Variants in QTMAN observed in about 807,000 individuals in gnomAD.
The protein encoded by QTMAN is queuosine-tRNA mannosyltransferase.
the QTMAN span, among the ~76,000 whole-genome samples, chr2:144,278,601 A>C: frequency 6.6e-6 from 1 of 150,498 alleles, no homozygotes; most frequent in Admixed American, 6.6e-5. Context: ...CAAGATGCAC[A>C]CCTCGTGACT....
chr2:144,259,746 A>G, the QTMAN span, among the ~76,000 whole-genome samples: 1 of 152,192 alleles, frequency 6.6e-6, no homozygotes, highest in South Asian at 2.1e-4. Flanking sequence ...TTCAGGGTCT[A>G]AGAAAAGAAA....
chr2:144,006,798 C>T, the QTMAN span: 1 of 160,714 alleles, frequency 6.2e-6, no homozygotes, highest in Non-Finnish European at 1.3e-5. Context: ...ATTATTCTTG[C>T]TTTAATGGTA....
chr2:144,260,327 A>T, the QTMAN span, among the ~76,000 whole-genome samples: 3 of 151,992 alleles, frequency 2.0e-5, no homozygotes, highest in Admixed American at 2.0e-4. Flanking sequence ...AAATATATGT[A>T]TGTGTGTGGG....
the QTMAN span, among the ~76,000 whole-genome samples, chr2:144,169,215 A>T: frequency 6.6e-6 from 1 of 152,256 alleles, no homozygotes; most frequent in South Asian, 2.1e-4. Context: ...AAGCATCAGT[A>T]GTTCTTAAAG....
the QTMAN span, chr2:144,007,350 A>C: frequency 6.2e-7 from 1 of 1,613,338 alleles, no homozygotes; most frequent in East Asian, 2.2e-5. Context: ...TGAGTTACCC[A>C]AATATTCTTG....
chr2:144,121,901 G>C, the QTMAN span, among the ~76,000 whole-genome samples: 1 of 152,092 alleles, frequency 6.6e-6, no homozygotes, highest in Non-Finnish European at 1.5e-5. Flanking sequence ...TGATGGTGAT[G>C]AATAAAAGTT....
the QTMAN span, among the ~76,000 whole-genome samples, chr2:143,961,076 G>A: frequency 6.6e-6 from 1 of 152,108 alleles, no homozygotes; most frequent in Non-Finnish European, 1.5e-5. Context: ...ACTAGACCCT[G>A]AGCCTTATAA....
the QTMAN span, among the ~76,000 whole-genome samples, chr2:144,110,540 TA>T: frequency 4.0e-5 from 6 of 151,898 alleles, no homozygotes; most frequent in African/African-American, 1.4e-4. Context: ...TAAAGTGTTA[TA>T]AAAAATAAAA....
chr2:144,276,012 TTATGTC>T, the QTMAN span, among the ~76,000 whole-genome samples: 1 of 152,144 alleles, frequency 6.6e-6, no homozygotes, highest in Non-Finnish European at 1.5e-5. Context: ...GAAATTTTAT[TTATGTC>T]TATAGTGATA....
At chr2:144,246,542 C>T in the QTMAN span, among the ~76,000 whole-genome samples, 26 of 140,116 alleles carry the variant, frequency 1.9e-4, 1 homozygote, top group Admixed American at 1.8e-3. Context: ...CACTGCAGTC[C>T]GCAGTCCGGC....
chr2:144,026,312 G>A, the QTMAN span, among the ~76,000 whole-genome samples: 1 of 152,194 alleles, frequency 6.6e-6, no homozygotes, highest in South Asian at 2.1e-4. Flanking sequence ...GCACATACCT[G>A]TAATCCCAGC....
At chr2:144,014,502 C>T in the QTMAN span, among the ~76,000 whole-genome samples, 1 of 152,114 alleles carries the variant, frequency 6.6e-6, no homozygotes, top group Non-Finnish European at 1.5e-5. Flanking sequence ...AAAACAGGAT[C>T]CACAGAGACT....
At chr2:144,145,706 G>A in the QTMAN span, 144 of 1,611,268 alleles carry the variant, frequency 8.9e-5, no homozygotes, top group Non-Finnish European at 1.1e-4. Context: ...CAGCCAGTTC[G>A]GTCAGGTTAA....
the QTMAN span, among the ~76,000 whole-genome samples, chr2:144,199,049 C>CTTT: frequency 7.0e-6 from 1 of 142,002 alleles, no homozygotes; most frequent in Non-Finnish European, 1.5e-5. Context: ...CTGTACTGTA[C>CTTT]TTTTTTTTTT....
At chr2:143,998,590 A>G in the QTMAN span, among the ~76,000 whole-genome samples, 1 of 152,038 alleles carries the variant, frequency 6.6e-6, no homozygotes, top group Non-Finnish European at 1.5e-5. Flanking sequence ...ATTTCACATA[A>G]GAGTTTAAAA....
At chr2:143,974,535 G>C in the QTMAN span, among the ~76,000 whole-genome samples, 1 of 152,104 alleles carries the variant, frequency 6.6e-6, no homozygotes, top group African/African-American at 2.4e-5. Context: ...TCTTGAAGTA[G>C]AAAAATATTC....
At chr2:144,182,914 T>TATATATATATATTATATATATATAA in the QTMAN span, among the ~76,000 whole-genome samples, 3 of 104,982 alleles carry the variant, frequency 2.9e-5, no homozygotes, top group African/African-American at 1.1e-4. Flanking sequence ...TATATATATA[T>TATATATATATATTATATATATATAA]AAAATATGAG....
the QTMAN span, among the ~76,000 whole-genome samples, chr2:144,201,869 C>G: frequency 7.2e-5 from 11 of 152,242 alleles, no homozygotes; most frequent in African/African-American, 2.6e-4. Flanking sequence ...TTTTTATTAT[C>G]AGCATGAGAT....
chr2:143,968,783 T>C, the QTMAN span, among the ~76,000 whole-genome samples: 4 of 152,162 alleles, frequency 2.6e-5, no homozygotes, highest in Admixed American at 6.5e-5. Context: ...ATCTATCAAA[T>C]TCTCTTCTGT....
Sources: allele counts gnomAD v4.1 joint callset (sites outside exome capture counted in the v4.1 genomes callset), GRCh38; gene constraint gnomAD v4.1.1; transcripts MANE v1.5; gene names NCBI Gene and HGNC (gene_info 2026-07-23, HGNC 2026-07-21).